Variants in PCGF3 observed in about 807,000 individuals in gnomAD.
PCGF3 encodes polycomb group RING finger protein 3.
Under a neutral mutation model 33.1 loss-of-function variants are expected in PCGF3, and 7 were observed. The observed-to-expected ratio is 0.21, with a 90% CI of 0.12 to 0.40. The LOEUF is 0.40. Among genes scored for constraint, PCGF3 ranks in the 10% least tolerant of loss-of-function variants. The pLI is 1.00. For missense variants in PCGF3, 211 were observed against 313.3 expected (o/e 0.67, Z 2.46); for synonymous variants, 153 against 121.3 (o/e 1.26, Z -1.72).
rs1425454418 is a variant in PCGF3 at position 715,810 on chromosome 4, T to C, written c.-190+9840T>C. Among the ~76,000 whole-genome samples the C allele has an allele frequency of 4.2e-5, 3 of 71,580 alleles. 1 individual carries two copies. The East Asian group carries it at 1.6e-3, about 37-fold the overall frequency. 47.0% of individuals were successfully genotyped at this position (71,580 alleles called of 152,430 possible). ...GTGCTGGGACCCTGTAGACACTTAGTGTGAGAACTGGGCGTGGGTGCTGGG... is the reference window on the plus strand; with the variant it reads ...GTGCTGGGACCCTGTAGACACTTAGCGTGAGAACTGGGCGTGGGTGCTGGG... On this transcript the variant is annotated intron_variant, in intron 1 of 10. Coordinates refer to ENST00000362003, the Ensembl canonical transcript of PCGF3.
intron 3 of PCGF3, chr4:731,436 G>C (rs372904862): frequency 2.9e-6 from 1 of 349,376 alleles, no homozygotes; most frequent in Non-Finnish European, 5.2e-6. Flanking sequence ...GTTGTGAGGC[G>C]GTCGGCTAGC....
exon 11 of PCGF3, chr4:766,317 C>G (rs914100942): frequency 4.4e-6 from 2 of 459,730 alleles, no homozygotes; most frequent in Admixed American, 4.1e-5. Context: ...CGCCCCACCC[C>G]GTGCTTCAGC....
intron 6 of PCGF3, among the ~76,000 whole-genome samples, chr4:743,004 G>T (rs759618813): frequency 2.0e-5 from 3 of 152,252 alleles, no homozygotes; most frequent in African/African-American, 4.8e-5. Context: ...GCGCAGGAGC[G>T]TGGGGGGAAC....
chr4:734,195 G>A, intron 4 of PCGF3: 1 of 1,533,164 alleles, frequency 6.5e-7, no homozygotes. Flanking sequence ...TCTGTGCTTT[G>A]GTGTTAGAGG....
At chr4:707,032 G>T (rs963494356) in intron 1 of PCGF3, among the ~76,000 whole-genome samples, 1 of 152,176 alleles carries the variant, frequency 6.6e-6, no homozygotes, top group African/African-American at 2.4e-5. Flanking sequence ...CCCCGGGAGG[G>T]CTGGGTCTTC....
At chr4:770,084 G>C (rs1745560987) in exon 11 of PCGF3, 1 of 152,532 alleles carries the variant, frequency 6.6e-6, no homozygotes, top group Non-Finnish European at 1.5e-5. Flanking sequence ...CAAAAGAAAA[G>C]CTTAAGTGAA....
chr4:744,562 G>T, intron 7 of PCGF3, 38 bp from the exon 8 acceptor site: 1 of 1,449,658 alleles, frequency 6.9e-7, no homozygotes, highest in South Asian at 1.2e-5. Context: ...TTGACAGTTT[G>T]GATTTCATGG....
At chr4:712,829 T>C (rs1186976346) in intron 1 of PCGF3, among the ~76,000 whole-genome samples, 2 of 152,276 alleles carry the variant, frequency 1.3e-5, no homozygotes, top group Non-Finnish European at 2.9e-5. Flanking sequence ...TCATTGATAT[T>C]TGCTGGGCTT....
chr4:732,894 C>T (rs947495747), intron 3 of PCGF3, among the ~76,000 whole-genome samples: 3 of 152,238 alleles, frequency 2.0e-5, no homozygotes, highest in African/African-American at 4.8e-5. Flanking sequence ...AGCAAATCAC[C>T]AGGCTCTGCC....
intron 1 of PCGF3, among the ~76,000 whole-genome samples, chr4:718,173 T>C (rs576626729): frequency 6.6e-6 from 1 of 152,090 alleles, no homozygotes; most frequent in Non-Finnish European, 1.5e-5. Context: ...CCCACTGACG[T>C]GCAGCCGTCA....
chr4:766,387 C>T (rs62294079), exon 11 of PCGF3: 20,019 of 273,308 alleles, frequency 0.073, 833 homozygotes, highest in South Asian at 0.13. Flanking sequence ...GACACGAGCT[C>T]CCTCTGCTTG....
chr4:723,092 G>A (rs1203935105), intron 1 of PCGF3, among the ~76,000 whole-genome samples: 6 of 143,524 alleles, frequency 4.2e-5, no homozygotes, highest in Non-Finnish European at 8.9e-5. Context: ...GCCCACCCGC[G>A]CCGGGTCCAC....
At chr4:769,031 T>C (rs1745504626) in exon 11 of PCGF3, 1 of 152,672 alleles carries the variant, frequency 6.5e-6, no homozygotes. Flanking sequence ...TTCATTGTTA[T>C]TATTGTGAGA....
At chr4:715,207 T>C (rs1251888109) in intron 1 of PCGF3, among the ~76,000 whole-genome samples, 7 of 127,294 alleles carry the variant, frequency 5.5e-5, no homozygotes, top group African/African-American at 1.2e-4. Context: ...GTGTGAGAAC[T>C]GGGTGTTGGT....
At chr4:723,529 C>G (rs980962941) in intron 1 of PCGF3, 1 of 160,056 alleles carries the variant, frequency 6.2e-6, no homozygotes, top group African/African-American at 2.4e-5. Flanking sequence ...AAAGTGAGAG[C>G]TGTGTGGACG....
chr4:764,082 G>A (rs866568362), intron 9 of PCGF3, among the ~76,000 whole-genome samples: 4 of 152,118 alleles, frequency 2.6e-5, no homozygotes, highest in East Asian at 1.9e-4. Context: ...CCTGGGCGGC[G>A]ATGCTGCTGT....
chr4:743,289 G>A (rs1196951257), intron 6 of PCGF3, among the ~76,000 whole-genome samples, 185 bp from the exon 7 acceptor site: 2 of 152,202 alleles, frequency 1.3e-5, no homozygotes, highest in Admixed American at 6.5e-5. Context: ...GCGGGTGCCC[G>A]GGGGGTGCGC....
chr4:730,475 G>A (rs1188146255), intron 1 of PCGF3, among the ~76,000 whole-genome samples, 155 bp from the exon 2 acceptor site: 1 of 152,146 alleles, frequency 6.6e-6, no homozygotes, highest in African/African-American at 2.4e-5. Context: ...GTGTCTCCCG[G>A]GTAGAGCCTG....
At chr4:765,972 G>A (rs138021820) in intron 10 of PCGF3, 60 bp from the exon 11 acceptor site, 1 of 1,487,792 alleles carries the variant, frequency 6.7e-7, no homozygotes, top group African/African-American at 1.4e-5. Flanking sequence ...TCCCGATGAA[G>A]TAGGTCCTTC....
Sources: gnomAD v4.1 joint callset for allele counts (sites outside exome capture counted in the v4.1 genomes callset) on GRCh38, gnomAD v4.1.1 for gene constraint, MANE v1.5 for transcripts, NCBI Gene and HGNC (gene_info 2026-07-23, HGNC 2026-07-21) for gene names.